NCEH1: variants seen among roughly 807,000 people sequenced by gnomAD.
NCEH1 encodes neutral cholesterol ester hydrolase 1.
A neutral mutation model predicts 25.4 loss-of-function variants in NCEH1; 9 were observed. That is an observed-to-expected ratio of 0.35 (90% confidence interval 0.21 to 0.62). The LOEUF (loss-of-function observed/expected upper bound fraction) is 0.62, where lower values mean the gene tolerates loss of function less well. Ranked by LOEUF, NCEH1 falls within the 20% of genes least tolerant of loss-of-function variation. The pLI is 0.72. For missense variants in NCEH1, 412 were observed against 501.1 expected (o/e 0.82, Z 1.70); for synonymous variants, 200 against 199.8 (o/e 1.00, Z -0.01).
At chr3:172,652,889 GATAC>G (rs1028895711) in intron 1 of NCEH1, among the ~76,000 whole-genome samples, 4 of 150,340 alleles carry the variant, frequency 2.7e-5, no homozygotes, top group African/African-American at 9.8e-5. Context: ...TTTTTTAGTA[GATAC>G]AGGGTTTCAC....
In NCEH1 at chr3:172,635,947, C is replaced by T; in HGVS notation, c.578G>A (p.Gly193Asp). 1 of 1,614,142 alleles carries T rather than the reference C, an allele frequency of 6.2e-7. No homozygotes were observed. Among genetic ancestry groups the T allele is most frequent in the Non-Finnish European group, 8.5e-7 (1 of 1,180,024 alleles). ...GRICISGDSA[G>D]GNLAAALGQQ... is the part of the protein sequence containing the mutation. Reference sequence around the variant, plus strand: ...TCCAAGGGCAGCAGCCAGATTTCCACCAGCACTGTCACCAGAAATGCAAAT... The same window carrying T: ...TCCAAGGGCAGCAGCCAGATTTCCATCAGCACTGTCACCAGAAATGCAAAT... Residue 193 changes from glycine (G) to aspartate (D), a missense_variant, in exon 4 of 5, where the codon GGT becomes GAT. Coordinates refer to ENST00000475381, the MANE Select transcript of NCEH1 (RefSeq NM_020792.6).
In NCEH1 at chr3:172,633,698, T is replaced by C. The variant is rs1222436856; in HGVS notation, c.1004A>G (p.Gln335Arg). Reference protein sequence around the residue: ...APLIADQAVLQLLPKTYILTC... With the variant: ...APLIADQAVLRLLPKTYILTC... ...CAGAATGTAGGTCTTTGGGAGGAGC[T>C]GCAGCACTGCCTGGTCTGCAATGAG... Residue 335 changes from glutamine (Q) to arginine (R), a missense_variant, in exon 5 of 5, where the codon CAG becomes CGG. Coordinates refer to ENST00000475381, the MANE Select transcript of NCEH1 (RefSeq NM_020792.6). 65 of 1,614,108 alleles carry C rather than the reference T, an allele frequency of 4.0e-5. No individual in the cohort carries two copies. The highest frequency in any genetic ancestry group is 5.4e-5 in the Non-Finnish European group (64 of 1,180,054).
chr3:172,640,052 G>A (rs748469225), intron 3 of NCEH1, among the ~76,000 whole-genome samples: 5 of 152,156 alleles, frequency 3.3e-5, no homozygotes, highest in Non-Finnish European at 7.4e-5. Context: ...GTTGAAATGC[G>A]CAATTCTTCC....
intron 1 of NCEH1, among the ~76,000 whole-genome samples, chr3:172,686,405 A>G (rs1410701584): frequency 5.3e-5 from 8 of 152,220 alleles, no homozygotes; most frequent in Non-Finnish European, 1.2e-4. Context: ...CATAGTGACT[A>G]GTGTTCACAC....
At chr3:172,698,875 C>T (rs547396107) in intron 1 of NCEH1, among the ~76,000 whole-genome samples, 1 of 152,314 alleles carries the variant, frequency 6.6e-6, no homozygotes, top group African/African-American at 2.4e-5. Flanking sequence ...TTGCGACAGA[C>T]GCGGTAACAC....
intron 1 of NCEH1, among the ~76,000 whole-genome samples, chr3:172,653,727 G>GTTTTT (rs1717522705): frequency 3.2e-5 from 3 of 93,666 alleles, no homozygotes; most frequent in African/African-American, 1.2e-4. Context: ...TGTTGTTGTT[G>GTTTTT]TTGTTCTGTT....
chr3:172,662,420 T>TA (rs1718012590), intron 1 of NCEH1, among the ~76,000 whole-genome samples: 2 of 152,212 alleles, frequency 1.3e-5, no homozygotes, highest in Non-Finnish European at 2.9e-5. Flanking sequence ...GACATTGGCC[T>TA]AAAATTCTCT....
At chr3:172,689,151 G>A (rs538658691) in intron 1 of NCEH1, among the ~76,000 whole-genome samples, 23 of 150,802 alleles carry the variant, frequency 1.5e-4, no homozygotes, top group African/African-American at 5.6e-4. Flanking sequence ...TAGGTAATAA[G>A]TTGTAGTAAA....
intron 1 of NCEH1, among the ~76,000 whole-genome samples, chr3:172,666,566 C>T (rs1466920600): frequency 1.3e-5 from 2 of 152,192 alleles, no homozygotes; most frequent in Non-Finnish European, 2.9e-5. Flanking sequence ...AAAACCATTA[C>T]ATGTGTGTCT....
At chr3:172,709,363 C>A (rs558244709) in intron 1 of NCEH1, among the ~76,000 whole-genome samples, 1 of 152,296 alleles carries the variant, frequency 6.6e-6, no homozygotes, top group East Asian at 1.9e-4. Flanking sequence ...CATCACTGTT[C>A]CTCAATCTTT....
rs76642803 is a variant in NCEH1, at chr3:172,657,573, C to T, written c.139-9459G>A. Reference sequence around the variant, plus strand: ...GCTAAGATGCTCATTATTTTCTGCACTTGCCTGCTAACTTGAATTCTAGAT... The same window carrying T: ...GCTAAGATGCTCATTATTTTCTGCATTTGCCTGCTAACTTGAATTCTAGAT... On this transcript the variant is annotated intron_variant, in intron 1 of 4. Transcript: ENST00000475381. 3.5e-3 allele frequency among the ~76,000 whole-genome samples: 538 copies of T among 152,294 alleles called. 3 individuals are homozygous for T. Among genetic ancestry groups the T allele is most frequent in the African/African-American group, 0.013 (528 of 41,562 alleles).
In NCEH1 at chr3:172,642,914, A is replaced by C. The variant is rs147115710; in HGVS notation, c.437+2709T>G. Among the ~76,000 whole-genome samples the C allele has an allele frequency of 2.0e-3, 308 of 151,778 alleles. 3 individuals are homozygous for C. The highest frequency in any genetic ancestry group is 7.1e-3 in the African/African-American group (295 of 41,448). Reference sequence around the variant, plus strand: ...GTGATTTCTGTTTCCAGGAGTTCACATTCTTTTGTTTTTGCTTTGTTTGTT... The same window carrying C: ...GTGATTTCTGTTTCCAGGAGTTCACCTTCTTTTGTTTTTGCTTTGTTTGTT... On this transcript the variant is annotated intron_variant, in intron 3 of 4. Coordinates refer to ENST00000475381, the MANE Select transcript of NCEH1 (RefSeq NM_020792.6).
At chr3:172,638,396 CT>C (rs901739342) in intron 3 of NCEH1, among the ~76,000 whole-genome samples, 30 of 144,566 alleles carry the variant, frequency 2.1e-4, no homozygotes, top group African/African-American at 5.9e-4. Flanking sequence ...ATGCAAAATG[CT>C]TTTTTTTTCC....
At chr3:172,634,588 G>A (rs1716521278) in intron 4 of NCEH1, among the ~76,000 whole-genome samples, 1 of 152,128 alleles carries the variant, frequency 6.6e-6, no homozygotes, top group Non-Finnish European at 1.5e-5. Flanking sequence ...TTCACGCTTG[G>A]TGAGACAGAA....
intron 3 of NCEH1, among the ~76,000 whole-genome samples, chr3:172,643,899 G>C (rs906311984): frequency 1.3e-5 from 2 of 152,150 alleles, no homozygotes; most frequent in African/African-American, 4.8e-5. Context: ...AACATCCCCT[G>C]TGCTTTCCTC....
At chr3:172,654,433 G>A (rs189669197) in intron 1 of NCEH1, among the ~76,000 whole-genome samples, 93 of 152,328 alleles carry the variant, frequency 6.1e-4, no homozygotes, top group African/African-American at 2.2e-3. Flanking sequence ...GAAGATCATT[G>A]CGTAAAAAAG....
chr3:172,661,912 A>G (rs958355060), intron 1 of NCEH1, among the ~76,000 whole-genome samples: 1 of 152,158 alleles, frequency 6.6e-6, no homozygotes, highest in Non-Finnish European at 1.5e-5. Context: ...ATCATCTGCA[A>G]ACAGGGACAA....
At chr3:172,702,959 C>T (rs996103817) in intron 1 of NCEH1, among the ~76,000 whole-genome samples, 1 of 152,016 alleles carries the variant, frequency 6.6e-6, no homozygotes, top group African/African-American at 2.4e-5. Context: ...ACCACTGCAT[C>T]CCTGCCTGGG....
chr3:172,653,069 AG>A (rs1717487482), intron 1 of NCEH1, among the ~76,000 whole-genome samples: 1 of 152,136 alleles, frequency 6.6e-6, no homozygotes, highest in Admixed American at 6.6e-5. Flanking sequence ...CCAAATTTTA[AG>A]GGCCTAATGG....
Sources: gnomAD v4.1 joint callset for allele counts (sites outside exome capture counted in the v4.1 genomes callset) on GRCh38, gnomAD v4.1.1 for gene constraint, MANE v1.5 for transcripts, NCBI Gene and HGNC (gene_info 2026-07-23, HGNC 2026-07-21) for gene names.